TEX9: variants seen among roughly 807,000 people sequenced by gnomAD.
The protein encoded by TEX9 is testis expressed 9, also known as testis-expressed protein 9.
In TEX9, 74 loss-of-function variants were observed where a neutral mutation model predicts 59.6. That is an observed-to-expected ratio of 1.24 (90% confidence interval 1.03 to 1.51). The LOEUF (loss-of-function observed/expected upper bound fraction) is 1.51, where lower values mean the gene tolerates loss of function less well. Among genes scored for constraint, TEX9 ranks in the 40% most tolerant of loss-of-function variants. The probability of loss-of-function intolerance (pLI) is 0.00; values close to 1 mark genes in which losing one functional copy is unlikely to be tolerated. For synonymous variants in TEX9, 186 were observed against 152.2 expected (o/e 1.22, Z -1.64); for missense variants, 522 against 447.8 (o/e 1.17, Z -1.49).
Position 56,395,020 on chromosome 15 carries a change from C to G in TEX9, c.828+186C>G, listed in dbSNP as rs900455957. ...ATGTAATTCACCCTTTTAAAGTATG[C>G]AATTCAATGGCTTTTGGTGTATTCA... is the stretch of plus-strand genomic sequence containing the variant. On this transcript the variant is annotated intron_variant, in intron 9 of 12. Transcript: ENST00000352903. 6.6e-6 allele frequency: 4 copies of G among 607,546 alleles called. No homozygotes were observed. In the East Asian group the frequency reaches 1.2e-4, roughly 18 times the overall value. The allele number at this position is 607,546 out of a possible 1,614,324, so 37.6% of individuals were successfully genotyped here.
chr15:56,408,063 C>G (rs2049163320), intron 9 of TEX9, among the ~76,000 whole-genome samples: 1 of 152,188 alleles, frequency 6.6e-6, no homozygotes, highest in African/African-American at 2.4e-5. Flanking sequence ...ATTCATATAT[C>G]TATTTTAAAA....
chr15:56,458,918 T>C, the TEX9 span, among the ~76,000 whole-genome samples: 1 of 152,204 alleles, frequency 6.6e-6, no homozygotes, highest in Non-Finnish European at 1.5e-5. Context: ...ATTATAAACA[T>C]TTGTGCTATG....
intron 1 of TEX9, among the ~76,000 whole-genome samples, chr15:56,277,577 C>G (rs1292999473): frequency 6.6e-6 from 1 of 152,160 alleles, no homozygotes; most frequent in African/African-American, 2.4e-5. Context: ...GTTACTGTAG[C>G]CTTACAGTTT....
intron 3 of TEX9, among the ~76,000 whole-genome samples, chr15:56,381,560 T>G (rs1285521709): frequency 6.6e-6 from 1 of 152,226 alleles, no homozygotes; most frequent in Non-Finnish European, 1.5e-5. Context: ...TTCCAGTTAT[T>G]TAAAGGCACT....
intron 1 of TEX9, among the ~76,000 whole-genome samples, chr15:56,359,807 A>G (rs2141914392): frequency 6.6e-6 from 1 of 152,282 alleles, no homozygotes; most frequent in African/African-American, 2.4e-5. Context: ...ATGATGATAA[A>G]GGACATGTTT....
chr15:56,453,722 C>A, the TEX9 span, among the ~76,000 whole-genome samples: 2 of 152,080 alleles, frequency 1.3e-5, no homozygotes, highest in African/African-American at 4.8e-5. Flanking sequence ...TTTCCCAACT[C>A]CAGTTAAAAA....
intron 1 of TEX9, among the ~76,000 whole-genome samples, chr15:56,259,459 C>G (rs935055734): frequency 6.6e-6 from 1 of 151,860 alleles, no homozygotes; most frequent in African/African-American, 2.4e-5. Context: ...AGGTTAAAGT[C>G]TGTTTCATGT....
intron 1 of TEX9, among the ~76,000 whole-genome samples, chr15:56,249,504 C>T (rs2043957852): frequency 6.6e-6 from 1 of 151,582 alleles, no homozygotes; most frequent in Non-Finnish European, 1.5e-5. Flanking sequence ...GGAAGGGGCG[C>T]TGAGACAGGT....
chr15:56,443,306 T>A, intron 12 of TEX9: 1 of 658,130 alleles, frequency 1.5e-6, no homozygotes, highest in East Asian at 3.1e-5. Context: ...TTAACTGTAG[T>A]ATACCATTTA....
In TEX9 at chr15:56,250,868, G is replaced by T. The variant is rs369243149; in HGVS notation, c.-107+6590G>T. ...AATCTACTTAAGTCAACTGATTGTA[G>T]CTAATTAACCACATCTGCAAAATAC... On this transcript the variant is annotated intron_variant, in intron 1 of 5. Coordinates refer to the TEX9 transcript ENST00000560827. Among the ~76,000 whole-genome samples, 3 of 152,276 alleles carry T rather than the reference G, an allele frequency of 2.0e-5. 1 individual carries two copies. Among genetic ancestry groups the T allele is most frequent in the Admixed American group, 6.5e-5 (1 of 15,302 alleles).
At chr15:56,391,926 T>C (rs972838112) in intron 7 of TEX9, among the ~76,000 whole-genome samples, 2 of 152,148 alleles carry the variant, frequency 1.3e-5, no homozygotes, top group Non-Finnish European at 2.9e-5. Context: ...ATTTTTCTTC[T>C]TATTAACTCA....
chr15:56,355,786 T>G (rs1193269944), intron 1 of TEX9, among the ~76,000 whole-genome samples: 3 of 152,106 alleles, frequency 2.0e-5, no homozygotes, highest in African/African-American at 7.2e-5. Context: ...ATACATATTT[T>G]GTACATGTTT....
intron 3 of TEX9, among the ~76,000 whole-genome samples, chr15:56,377,005 A>C (rs532857088): frequency 1.3e-5 from 2 of 152,308 alleles, no homozygotes; most frequent in East Asian, 3.9e-4. Flanking sequence ...TTTATTGAAG[A>C]GACTGTCTTT....
intron 3 of TEX9, chr15:56,374,551 T>A (rs1228156654): frequency 2.0e-5 from 3 of 152,192 alleles, no homozygotes; most frequent in African/African-American, 7.2e-5. Flanking sequence ...AAAAATCCAA[T>A]TATACTATTT....
At chr15:56,317,546 T>TATA (rs1423562515) in intron 1 of TEX9, among the ~76,000 whole-genome samples, 2 of 152,202 alleles carry the variant, frequency 1.3e-5, no homozygotes, top group Non-Finnish European at 2.9e-5. Flanking sequence ...ACTCTAATCT[T>TATA]TATTATTTTC....
intron 3 of TEX9, among the ~76,000 whole-genome samples, chr15:56,379,091 AAGAAAAAAAAAGAAAAG>A (rs2047601931): frequency 6.6e-6 from 1 of 151,318 alleles, no homozygotes; most frequent in African/African-American, 2.4e-5. Flanking sequence ...AAAAGAAAGA[AAGAAAAAAAAAGAAAAG>A]AAAGAAAGAA....
chr15:56,339,398 A>AGAC (rs1567091374), intron 1 of TEX9, among the ~76,000 whole-genome samples: 1 of 64,058 alleles, frequency 1.6e-5, no homozygotes, highest in Non-Finnish European at 4.2e-5. Context: ...AAAAAAAAAA[A>AGAC]AAAAAAAAAA....
chr15:56,414,428 T>C (rs2049562922), intron 10 of TEX9, among the ~76,000 whole-genome samples: 1 of 151,724 alleles, frequency 6.6e-6, no homozygotes, highest in African/African-American at 2.4e-5. Context: ...CCAATGTCTG[T>C]TTCCTTCTTT....
At chr15:56,314,833 C>G (rs2045714508) in intron 1 of TEX9, among the ~76,000 whole-genome samples, 1 of 151,752 alleles carries the variant, frequency 6.6e-6, no homozygotes, top group South Asian at 2.1e-4. Flanking sequence ...TCTGGGTGCT[C>G]CAGTGTTGGG....
Sources: allele counts gnomAD v4.1 joint callset (sites outside exome capture counted in the v4.1 genomes callset), GRCh38; gene constraint gnomAD v4.1.1; transcripts MANE v1.5; gene names NCBI Gene and HGNC (gene_info 2026-07-23, HGNC 2026-07-21).